Variants in PKD1L1 observed in about 807,000 individuals in gnomAD.
PKD1L1 encodes the protein polycystin-1-like protein 1.
A neutral mutation model predicts 323.4 loss-of-function variants in PKD1L1; 236 were observed. The observed-to-expected ratio is 0.73, with a 90% CI of 0.66 to 0.81. PKD1L1 has a LOEUF of 0.81. Ranked by LOEUF, PKD1L1 falls within the 40% of genes least tolerant of loss-of-function variation. The pLI is 0.00. For missense variants in PKD1L1, 3,320 were observed against 3,508.0 expected (o/e 0.95, Z 1.35); for synonymous variants, 1,344 against 1,335.0 (o/e 1.01, Z -0.15).
chr7:47,802,756 A>G (rs1277944251), intron 53 of PKD1L1, among the ~76,000 whole-genome samples: 1 of 152,208 alleles, frequency 6.6e-6, no homozygotes, highest in Non-Finnish European at 1.5e-5. Flanking sequence ...TCCAGACCAG[A>G]CTTCAGGGCT....
rs1417924624 is a variant in PKD1L1, at chr7:47,809,571, A to G, written c.7588T>C (p.Phe2530Leu). 2 of 1,585,210 alleles carry G rather than the reference A, an allele frequency of 1.3e-6. No individual in the cohort carries two copies. Among genetic ancestry groups the G allele is most frequent in the Non-Finnish European group, 1.7e-6 (2 of 1,168,630 alleles). Residue 2530 changes from phenylalanine (F) to leucine (L), a missense_variant, in exon 51 of 57, where the codon TTC (phenylalanine) becomes CTC (leucine). Coordinates refer to ENST00000289672, the MANE Select transcript of PKD1L1 (RefSeq NM_138295.5). ...QYHLMLPQLV[F>L]LALSLIHLCV... Reference sequence around the variant, plus strand: ...AGGTGGATCAGGCTGAGTGCCAGGAAGACCAGCTGGTGGAGAGAATGTAAA... The same window carrying G: ...AGGTGGATCAGGCTGAGTGCCAGGAGGACCAGCTGGTGGAGAGAATGTAAA...
rs1370509796 is a variant in PKD1L1 at position 47,833,255 on chromosome 7, A to G, written c.6175-3T>C. ...GAGAGAATGGCTGATGCAGGTTGCT[A>G]GAATGACAAGGTCATGCCAAGGTTA... is the stretch of plus-strand genomic sequence containing the variant. On this transcript the variant is annotated splice_polypyrimidine_tract_variant and splice_region_variant and intron_variant, in intron 40 of 56. Coordinates refer to ENST00000289672, the MANE Select transcript of PKD1L1 (RefSeq NM_138295.5). 1.9e-6 allele frequency: 3 copies of G among 1,611,334 alleles called. No individual in the cohort carries two copies. The African/African-American group carries it at 4.0e-5, about 22-fold the overall frequency.
chr7:47,888,061 C>T lies in PKD1L1; in HGVS notation c.2765G>A (p.Ser922Asn). 1 of 1,614,006 alleles carries T rather than the reference C, an allele frequency of 6.2e-7. No homozygotes were observed. The highest frequency in any genetic ancestry group is 1.1e-5 in the South Asian group (1 of 91,084). Residue 922 changes from serine (S) to asparagine (N), a missense_variant, in exon 17 of 57, where the codon AGT becomes AAT. Coordinates refer to ENST00000289672, the MANE Select transcript of PKD1L1 (RefSeq NM_138295.5). ...LSLQAMCEDC[S>N]EIPNLSYSWD... ...GGAATAAGACAGATTCGGTATTTCA[C>T]TGCAGTCCTCACACATAGCTTGAAG...
At chr7:47,952,694 A>C (rs1419810991), upstream of PKD1L1, among the ~76,000 whole-genome samples, 1 of 152,214 alleles carries the variant, frequency 6.6e-6, no homozygotes, top group Non-Finnish European at 1.5e-5. Context: ...AAAGAAAAAC[A>C]ACATAGTTAT....
intron 32 of PKD1L1, among the ~76,000 whole-genome samples, chr7:47,846,572 C>T (rs753739748): frequency 7.2e-5 from 11 of 152,222 alleles, no homozygotes; most frequent in Non-Finnish European, 1.6e-4. Flanking sequence ...CACTCATCCA[C>T]CGACTCATGT....
chr7:47,948,407 C>A lies in PKD1L1; in HGVS notation c.34G>T (p.Asp12Tyr), dbSNP rs1229058435. The A allele has an allele frequency of 1.9e-6, 3 of 1,614,112 alleles. No homozygotes were observed. The South Asian group carries it at 3.3e-5, about 18-fold the overall frequency. Residue 12 changes from aspartate (D) to tyrosine (Y), a missense_variant, in exon 1 of 57, where the codon GAC becomes TAC. Physicochemically the swap from Asp to Tyr is radical, Grantham distance 160. Coordinates refer to ENST00000289672, the MANE Select transcript of PKD1L1 (RefSeq NM_138295.5). ...AEEAAQNISD[D>Y]QERCLQAACC... ...ACAGTGATAACTCACCTTTCCTGGTCATCAGAAATGTTCTGGGCTGCCTCC... is the reference window on the plus strand; with the variant it reads ...ACAGTGATAACTCACCTTTCCTGGTAATCAGAAATGTTCTGGGCTGCCTCC...
intron 52 of PKD1L1, 24 bp from the exon 53 acceptor site, chr7:47,803,368 C>T: frequency 6.2e-7 from 1 of 1,612,154 alleles, no homozygotes; most frequent in Non-Finnish European, 8.5e-7. Flanking sequence ...ACATAACAGT[C>T]AGTGTGCCAT....
rs767709421 is a variant in PKD1L1, at chr7:47,813,184, G to A, written c.7283C>T (p.Thr2428Ile). Residue 2428 changes from threonine (T) to isoleucine (I), a missense_variant, in exon 49 of 57, where the codon ACC becomes ATC. Thr to Ile is a moderately conservative substitution (Grantham distance 89). Transcript: ENST00000289672. ...YLIDPENQNV[T>I]LNGPGGCGTR... ...CCCACAGCCCCCAGGACCATTCAGG[G>A]TCACGTTTTGGTTCTCTGGGTCTAT... is the stretch of plus-strand genomic sequence containing the variant. The A allele has an allele frequency of 6.2e-7, 1 of 1,614,204 alleles. No individual in the cohort carries two copies. Among genetic ancestry groups the A allele is most frequent in the Non-Finnish European group, 8.5e-7 (1 of 1,180,036 alleles).
chr7:47,845,735 G>A (rs897844541), intron 32 of PKD1L1, among the ~76,000 whole-genome samples: 76 of 152,050 alleles, frequency 5.0e-4, no homozygotes, highest in African/African-American at 1.7e-3. Context: ...GATTGCAGGT[G>A]TGTGCCCATC....
At chr7:47,778,066 A>G (rs1054591170) in intron 56 of PKD1L1, among the ~76,000 whole-genome samples, 2 of 152,192 alleles carry the variant, frequency 1.3e-5, no homozygotes, top group Admixed American at 1.3e-4. Flanking sequence ...TTTCCTAATC[A>G]TGGTACTCCT....
intron 54 of PKD1L1, among the ~76,000 whole-genome samples, chr7:47,800,213 G>A (rs968354739): frequency 2.6e-5 from 4 of 152,334 alleles, no homozygotes; most frequent in African/African-American, 4.8e-5. Context: ...GAAACAGGGA[G>A]CCATTCCTCC....
chr7:47,894,514 T>C (rs1786894292), intron 14 of PKD1L1, among the ~76,000 whole-genome samples: 1 of 152,178 alleles, frequency 6.6e-6, no homozygotes, highest in African/African-American at 2.4e-5. Context: ...AACCCAGGAA[T>C]AGCAGAACAT....
intron 49 of PKD1L1, among the ~76,000 whole-genome samples, chr7:47,812,702 G>A (rs1784926899): frequency 6.6e-6 from 1 of 152,074 alleles, no homozygotes; most frequent in Non-Finnish European, 1.5e-5. Context: ...GCTGCAACAT[G>A]GGGTCGTGCT....
In PKD1L1 at chr7:47,837,016, G is replaced by A. The variant is rs150562937; in HGVS notation, c.5848C>T (p.Arg1950Cys). The change falls in exon 37 of 57, where the codon CGC becomes TGC. Residue 1950 changes from arginine to cysteine, a missense_variant. By Grantham distance (180) the Arg-to-Cys change is radical. Transcript: ENST00000289672. ...LSVYSRPSSS[R>C]YLHTPRLTVS... ...GTGAGGCGCGGCGTGTGCAGGTAGC[G>A]GCTGGAGGAGGGCCTGCTGTACACC... is the stretch of plus-strand genomic sequence containing the variant. 1.5e-5 allele frequency: 25 copies of A among 1,613,994 alleles called. No individual in the cohort carries two copies. Among genetic ancestry groups the A allele is most frequent in the Admixed American group, 5.0e-5 (3 of 60,000 alleles).
rs1583640674 is a variant in PKD1L1 at position 47,877,604 on chromosome 7, G to A, written c.3548C>T (p.Ala1183Val). ...CGGGTTGACTGTCAAGTACAGCTGAGCTTTACCCAGTAAGCCATGCTTCGA... is the reference window on the plus strand; with the variant it reads ...CGGGTTGACTGTCAAGTACAGCTGAACTTTACCCAGTAAGCCATGCTTCGA... ...VASKHGLLGK[A>V]QLYLTVNPAP... Residue 1183 changes from alanine (A) to valine (V), a missense_variant, in exon 22 of 57, where the codon GCT becomes GTT. Transcript: ENST00000289672. 2 of 1,614,170 alleles carry A rather than the reference G, an allele frequency of 1.2e-6. No homozygotes were observed.
intron 46 of PKD1L1, chr7:47,819,454 T>G: frequency 9.4e-7 from 1 of 1,068,676 alleles, no homozygotes; most frequent in Non-Finnish European, 1.2e-6. Flanking sequence ...TTTTTCATGT[T>G]TAGATTTCCA....
At chr7:47,886,322 G>T (rs754570969) in intron 17 of PKD1L1, among the ~76,000 whole-genome samples, 1 of 152,086 alleles carries the variant, frequency 6.6e-6, no homozygotes, top group Non-Finnish European at 1.5e-5. Context: ...AGTCGGGGGG[G>T]AGGGATCTGC....
intron 8 of PKD1L1, 139 bp downstream of exon 8, chr7:47,915,293 C>G: frequency 5.3e-6 from 3 of 563,652 alleles, no homozygotes; most frequent in Admixed American, 6.7e-5. Context: ...CTAACAATGC[C>G]ACACACAGGA....
intron 46 of PKD1L1, among the ~76,000 whole-genome samples, chr7:47,820,492 AGGCG>A (rs1785116318): frequency 6.6e-6 from 1 of 152,210 alleles, no homozygotes; most frequent in South Asian, 2.1e-4. Flanking sequence ...TGGGAGGCCG[AGGCG>A]GGTGGATCAC....
Sources: gnomAD v4.1 joint callset for allele counts (sites outside exome capture counted in the v4.1 genomes callset) on GRCh38, gnomAD v4.1.1 for gene constraint, MANE v1.5 for transcripts, NCBI Gene and HGNC (gene_info 2026-07-23, HGNC 2026-07-21) for gene names.